The following GPC6 variants were observed in gnomAD, a reference collection of about 807,000 sequenced individuals.
GPC6 encodes glypican-6.
Under a neutral mutation model 55.2 loss-of-function variants are expected in GPC6, and 14 were observed. The observed-to-expected ratio is 0.25, with a 90% CI of 0.17 to 0.40. The LOEUF (loss-of-function observed/expected upper bound fraction) is 0.40, where lower values mean the gene tolerates loss of function less well. GPC6 is among the 10% of genes least tolerant of loss of function. GPC6 has a pLI of 1.00. For missense variants in GPC6, 641 were observed against 708.5 expected (o/e 0.90, Z 1.08); for synonymous variants, 278 against 259.6 (o/e 1.07, Z -0.68).
At chr13:93,814,285 G>C (rs143832553) in intron 2 of GPC6, among the ~76,000 whole-genome samples, 6 of 152,222 alleles carry the variant, frequency 3.9e-5, no homozygotes, top group African/African-American at 1.2e-4. Context: ...ATGTTAAGCA[G>C]ATATCCACAA....
rs553639651 is a variant in GPC6, at chr13:93,634,060, A to T, written c.319+88639A>T. 3.3e-5 allele frequency among the ~76,000 whole-genome samples: 5 copies of T among 152,354 alleles called. No homozygotes were observed. The South Asian group carries it at 1.0e-3, about 32-fold the overall frequency. On this transcript the variant is annotated intron_variant, in intron 2 of 8. Transcript: ENST00000377047. The stretch of plus-strand genomic sequence containing the variant: ...GGTATACTTTTGAATGTACTGATGC[A>T]GTGAACATATACTTTACCCCAGCTT...
At chr13:93,385,176 G>A (rs990059312) in intron 1 of GPC6, among the ~76,000 whole-genome samples, 2 of 152,234 alleles carry the variant, frequency 1.3e-5, no homozygotes, top group Admixed American at 6.5e-5. Context: ...AACCAGACAC[G>A]CAAAGAGAGC....
intron 2 of GPC6, among the ~76,000 whole-genome samples, chr13:93,778,556 C>T (rs1177405011): frequency 6.6e-6 from 1 of 152,148 alleles, no homozygotes; most frequent in East Asian, 1.9e-4. Context: ...GTTGAGGTGA[C>T]ATCAATGCAC....
In GPC6 at chr13:94,266,151, C is replaced by T. The variant is rs370173366; in HGVS notation, c.878-20198C>T. 1.1e-3 allele frequency among the ~76,000 whole-genome samples: 151 copies of T among 142,856 alleles called. 2 individuals carry two copies. The East Asian group carries it at 0.027, about 25-fold the overall frequency. 93.7% of individuals were successfully genotyped at this position (142,856 alleles called of 152,430 possible). On this transcript the variant is annotated intron_variant, in intron 4 of 8. Transcript: ENST00000377047. ...TTTTTCTTTTCTTTACTTTTCTTTT[C>T]TTTTTTTTTTTTGTTTGTTTGTTTG...
rs1889682790 is a variant in GPC6, at chr13:94,199,362, T to G, written c.878-86987T>G. On this transcript the variant is annotated intron_variant, in intron 4 of 8. Coordinates refer to ENST00000377047, the MANE Select transcript of GPC6 (RefSeq NM_005708.5). Reference sequence around the variant, plus strand: ...AATGCCTTGTCATCATTTTTGGATCTCTACATCCTGGAATTGTATGGCAGA... The same window carrying G: ...AATGCCTTGTCATCATTTTTGGATCGCTACATCCTGGAATTGTATGGCAGA... Among the ~76,000 whole-genome samples the G allele has an allele frequency of 2.0e-5, 3 of 152,366 alleles. No homozygotes were observed. The South Asian group carries it at 6.2e-4, about 32-fold the overall frequency.
chr13:93,542,129 T>C (rs902099448), intron 1 of GPC6, among the ~76,000 whole-genome samples: 13 of 152,180 alleles, frequency 8.5e-5, no homozygotes, highest in Admixed American at 2.0e-4. Flanking sequence ...AATGCCTAGG[T>C]TTTATTCTAG....
chr13:94,404,405 T>C lies in GPC6; in HGVS notation c.*1188T>C, dbSNP rs577982355. 4.1e-4 allele frequency: 62 copies of C among 152,274 alleles called. No individual in the cohort carries two copies. Among genetic ancestry groups the C allele is most frequent in the Non-Finnish European group, 5.9e-5 (4 of 68,032 alleles). The allele number at this position is 152,274 out of a possible 1,614,324, so 9.4% of individuals were successfully genotyped here. A position where few individuals can be genotyped will look rare whatever the true frequency, so the allele number is the denominator to read the frequency against. On this transcript the variant is annotated 3_prime_UTR_variant, in exon 9 of 9. Coordinates refer to ENST00000377047, the MANE Select transcript of GPC6 (RefSeq NM_005708.5). The stretch of plus-strand genomic sequence containing the variant: ...TATCTATGTATATATAAATCACAGA[T>C]TTTAACTTCTTAATTCCAAGCTCAG...
At chr13:93,692,810 C>T (rs979165645) in intron 2 of GPC6, among the ~76,000 whole-genome samples, 15 of 151,900 alleles carry the variant, frequency 9.9e-5, no homozygotes, top group African/African-American at 2.9e-4. Context: ...TAATCAGTAA[C>T]ACATAAAATT....
At chr13:94,170,644 A>G (rs1353057175) in intron 4 of GPC6, among the ~76,000 whole-genome samples, 1 of 152,232 alleles carries the variant, frequency 6.6e-6, no homozygotes, top group Non-Finnish European at 1.5e-5. Context: ...TCAAAATCAG[A>G]CTGGATTTTC....
intron 1 of GPC6, among the ~76,000 whole-genome samples, chr13:93,528,117 G>A (rs1422441655): frequency 2.6e-5 from 4 of 152,112 alleles, no homozygotes; most frequent in Admixed American, 2.6e-4. Flanking sequence ...TACTGAATTG[G>A]TCTGAACTAG....
chr13:94,218,109 C>T (rs1048487715), intron 4 of GPC6, among the ~76,000 whole-genome samples: 4 of 152,214 alleles, frequency 2.6e-5, no homozygotes, highest in African/African-American at 2.4e-5. Flanking sequence ...GCTCTCATTT[C>T]GGGCTGCTGA....
chr13:93,769,484 CAG>C (rs367728569), intron 2 of GPC6, among the ~76,000 whole-genome samples: 6 of 151,940 alleles, frequency 3.9e-5, no homozygotes, highest in East Asian at 1.9e-4. Flanking sequence ...AAGATGTGCG[CAG>C]AGTCTGGGAG....
chr13:93,216,896 TGA>T, the GPC6 span, among the ~76,000 whole-genome samples: 10 of 152,204 alleles, frequency 6.6e-5, no homozygotes, highest in Non-Finnish European at 1.5e-4. Flanking sequence ...TTCTTATACC[TGA>T]GTTTGTGGCC....
chr13:93,620,651 CAG>C (rs780688488), intron 2 of GPC6, among the ~76,000 whole-genome samples: 4 of 152,214 alleles, frequency 2.6e-5, no homozygotes, highest in Non-Finnish European at 4.4e-5. Context: ...CTCTGGAAAT[CAG>C]ACACACATCC....
intron 2 of GPC6, among the ~76,000 whole-genome samples, chr13:93,709,162 A>C (rs1035611718): frequency 3.3e-5 from 5 of 151,832 alleles, no homozygotes; most frequent in African/African-American, 1.2e-4. Flanking sequence ...TTCATAAAAC[A>C]AGAAAGAAAG....
At chr13:94,051,296 A>G (rs1239251854) in intron 4 of GPC6, among the ~76,000 whole-genome samples, 1 of 152,116 alleles carries the variant, frequency 6.6e-6, no homozygotes, top group Non-Finnish European at 1.5e-5. Context: ...GATTCTTCAA[A>G]CCTATCCATC....
At position 93,636,937 on chromosome 13, in the gene GPC6, T is replaced by C. The variant is rs939051677; in HGVS notation, c.319+91516T>C. Among the ~76,000 whole-genome samples, 365 of 152,138 alleles carry C rather than the reference T, an allele frequency of 2.4e-3. 2 individuals are homozygous for C. The highest frequency in any genetic ancestry group is 8.6e-3 in the African/African-American group (356 of 41,526). Reference sequence around the variant, plus strand: ...CAGAATAATGGTATAGTTTTTTTTTTTTTTTCTCTCTCCTCTTAGTGGAGC... The same window carrying C: ...CAGAATAATGGTATAGTTTTTTTTTCTTTTTCTCTCTCCTCTTAGTGGAGC... On this transcript the variant is annotated intron_variant, in intron 2 of 8. Coordinates refer to ENST00000377047, the MANE Select transcript of GPC6 (RefSeq NM_005708.5).
At chr13:93,754,626 T>A (rs1313821134) in intron 2 of GPC6, among the ~76,000 whole-genome samples, 1 of 152,036 alleles carries the variant, frequency 6.6e-6, no homozygotes, top group Non-Finnish European at 1.5e-5. Flanking sequence ...CAGTAAGTAT[T>A]GATAGGAGTA....
intron 1 of GPC6, among the ~76,000 whole-genome samples, chr13:93,346,477 A>G (rs1234181665): frequency 6.6e-6 from 1 of 152,092 alleles, no homozygotes; most frequent in African/African-American, 2.4e-5. Context: ...TCTCATATTT[A>G]CCTGATCTGT....
Sources: gnomAD v4.1 joint callset for allele counts (sites outside exome capture counted in the v4.1 genomes callset) on GRCh38, gnomAD v4.1.1 for gene constraint, MANE v1.5 for transcripts, NCBI Gene and HGNC (gene_info 2026-07-23, HGNC 2026-07-21) for gene names.